The following ALG9 variants were observed in gnomAD, a reference collection of about 807,000 sequenced individuals.
ALG9 encodes the protein ALG9 alpha-1,2-mannosyltransferase, also known as alpha-1,2-mannosyltransferase ALG9.
In ALG9, 55 loss-of-function variants were observed where a neutral mutation model predicts 81.8. The ratio of observed to expected loss-of-function variants is 0.67; its 90% CI spans 0.54 to 0.84. The LOEUF is 0.84. Among genes scored for constraint, ALG9 ranks in the 40% least tolerant of loss-of-function variants. The pLI, the probability that ALG9 is intolerant of heterozygous loss-of-function variation, is 0.00. For synonymous variants in ALG9, 278 were observed against 274.3 expected (o/e 1.01, Z -0.13); for missense variants, 629 against 745.0 (o/e 0.84, Z 1.81).
At position 111,871,173 on chromosome 11, in the gene ALG9, G is replaced by A; in HGVS notation, c.131+179C>T. The stretch of plus-strand genomic sequence containing the variant: ...CGCAGTGGAGGGATCTAAGGTGGGC[G>A]AAGACTGAATGCTGACCCGCCCAGG... On this transcript the variant is annotated intron_variant, in intron 1 of 14. Coordinates refer to ENST00000616540, the MANE Select transcript of ALG9 (RefSeq NM_024740.2). 6.9e-6 allele frequency: 9 copies of A among 1,295,070 alleles called. No individual in the cohort carries two copies. The South Asian group carries it at 1.5e-4, about 21-fold the overall frequency. The allele number at this position is 1,295,070 out of a possible 1,614,324, so 80.2% of individuals were successfully genotyped here.
rs534703877 is a variant in ALG9, at chr11:111,868,923, C to G, written c.271-187G>C. ...GCTGCTTGAGCCCAGTAGTTAAAGA[C>G]AAGCCTGGGCAACATAGCAAAACCC... On this transcript the variant is annotated intron_variant, in intron 2 of 14. Transcript: ENST00000616540. 2.0e-5 allele frequency among the ~76,000 whole-genome samples: 3 copies of G among 151,232 alleles called. No homozygotes were observed. The South Asian group carries it at 6.2e-4, about 31-fold the overall frequency.
intron 13 of ALG9, 22 bp downstream of exon 13, chr11:111,836,143 A>G: frequency 1.9e-6 from 3 of 1,613,508 alleles, no homozygotes; most frequent in Middle Eastern, 3.3e-4. Flanking sequence ...TCAGAGAAGC[A>G]AGAAGAGAAT....
chr11:111,806,020 C>T (rs1949875509), intron 14 of ALG9, among the ~76,000 whole-genome samples: 1 of 152,012 alleles, frequency 6.6e-6, no homozygotes, highest in Admixed American at 6.6e-5. Context: ...CCATAGCCAG[C>T]TAATTTTTTT....
chr11:111,774,194 T>TG, the ALG9 span, among the ~76,000 whole-genome samples: 5 of 149,544 alleles, frequency 3.3e-5, no homozygotes, highest in African/African-American at 1.2e-4. Flanking sequence ...CTGACCAACA[T>TG]GAAGAAACCC....
chr11:111,807,801 T>A (rs535024441), intron 14 of ALG9, among the ~76,000 whole-genome samples: 6 of 152,004 alleles, frequency 3.9e-5, no homozygotes, highest in Non-Finnish European at 5.9e-5. Flanking sequence ...AAAAAAAAAA[T>A]TTTTTGTTAA....
At chr11:111,851,673 T>C (rs532315942) in intron 8 of ALG9, among the ~76,000 whole-genome samples, 12 of 152,322 alleles carry the variant, frequency 7.9e-5, no homozygotes, top group Middle Eastern at 3.4e-3. Flanking sequence ...AGAGTAGATA[T>C]TGTGTTTCTA....
In ALG9 at chr11:111,868,729, T is replaced by C; in HGVS notation, c.278A>G (p.Tyr93Cys). 1.2e-6 allele frequency: 2 copies of C among 1,609,692 alleles called. No individual in the cohort carries two copies. The highest frequency in any genetic ancestry group is 1.1e-5 in the South Asian group (1 of 90,470). Residue 93 changes from tyrosine to cysteine, a missense_variant, in exon 3 of 15, where the codon TAC becomes TGC. Tyr to Cys is a radical substitution (Grantham distance 194, BLOSUM62 -2). Coordinates refer to ENST00000616540, the MANE Select transcript of ALG9 (RefSeq NM_024740.2). ...ETFNYWEPTH[Y>C]LIYGEGFQTW... The stretch of plus-strand genomic sequence containing the variant: ...CTGAAACCCTTCCCCATAGATGAGG[T>C]AGTGTGTCTAAAAATACAAAACAGA...
rs542497955 is a variant in ALG9, at chr11:111,855,421, G to C, written c.702-1685C>G. ...GGAGTTTGGAGAGCTGATTTACAGG[G>C]GTCAAGACTAGAGAGGAGGAGATCA... is the stretch of plus-strand genomic sequence containing the variant. On this transcript the variant is annotated intron_variant, in intron 6 of 14. Transcript: ENST00000616540. 5.9e-5 allele frequency among the ~76,000 whole-genome samples: 9 copies of C among 152,262 alleles called. No homozygotes were observed. In the South Asian group the frequency reaches 1.9e-3, roughly 32 times the overall value.
At chr11:111,831,481 G>C (rs782807682) in intron 13 of ALG9, among the ~76,000 whole-genome samples, 2 of 152,152 alleles carry the variant, frequency 1.3e-5, no homozygotes, top group African/African-American at 2.4e-5. Flanking sequence ...CTGGGTGACA[G>C]AGTGAGACCC....
intron 10 of ALG9, among the ~76,000 whole-genome samples, 178 bp downstream of exon 10, chr11:111,840,477 T>C (rs184180442): frequency 6.6e-6 from 1 of 152,256 alleles, no homozygotes; most frequent in Non-Finnish European, 1.5e-5. Context: ...CAAATACAAG[T>C]ATGGTAAACA....
chr11:111,851,429 G>T (rs1438506948), intron 8 of ALG9, among the ~76,000 whole-genome samples: 1 of 143,618 alleles, frequency 7.0e-6, no homozygotes, highest in East Asian at 2.0e-4. Context: ...AGTGAGCAGA[G>T]ATCATGCCAC....
chr11:111,777,522 T>C (rs1363819065), downstream of ALG9, among the ~76,000 whole-genome samples: 1 of 152,158 alleles, frequency 6.6e-6, no homozygotes, highest in Admixed American at 6.5e-5. Flanking sequence ...AAGGTTGCCT[T>C]AAGCTGTCAG....
chr11:111,818,218 T>C (rs1461563930), intron 13 of ALG9, among the ~76,000 whole-genome samples: 1 of 152,196 alleles, frequency 6.6e-6, no homozygotes, highest in African/African-American at 2.4e-5. Context: ...GGAAGAAGCA[T>C]GGGGTACTCA....
chr11:111,860,188 G>A (rs1238241269), intron 5 of ALG9, among the ~76,000 whole-genome samples: 2 of 152,224 alleles, frequency 1.3e-5, no homozygotes, highest in African/African-American at 4.8e-5. Flanking sequence ...GGCCAAGAAA[G>A]GAGGTGGGTG....
intron 13 of ALG9, among the ~76,000 whole-genome samples, chr11:111,825,051 G>A (rs909024501): frequency 6.6e-6 from 1 of 152,122 alleles, no homozygotes; most frequent in Admixed American, 6.5e-5. Flanking sequence ...AGAAACAAAC[G>A]ACAGGAGAAA....
chr11:111,781,172 A>G (rs1435815449), downstream of ALG9, among the ~76,000 whole-genome samples: 1 of 152,238 alleles, frequency 6.6e-6, no homozygotes, highest in African/African-American at 2.4e-5. Context: ...GGAGAAATAA[A>G]TCAAACCAAG....
chr11:111,803,395 G>A (rs1365779806), intron 14 of ALG9, among the ~76,000 whole-genome samples: 1 of 151,862 alleles, frequency 6.6e-6, no homozygotes, highest in Non-Finnish European at 1.5e-5. Context: ...CAGTTACTCG[G>A]GTGGCTGAGG....
At chr11:111,844,779 GGTGCT>G in intron 8 of ALG9, 56 bp from the exon 9 acceptor site, 3 of 1,577,334 alleles carry the variant, frequency 1.9e-6, no homozygotes, top group Non-Finnish European at 1.7e-6. Context: ...CACCTATTAC[GGTGCT>G]TGACATATAA....
In ALG9 at chr11:111,810,639, C is replaced by G. The variant is rs550644740; in HGVS notation, c.1603-866G>C. 1.8e-4 allele frequency among the ~76,000 whole-genome samples: 27 copies of G among 152,192 alleles called. No homozygotes were observed. In the East Asian group the frequency reaches 4.6e-3, roughly 26 times the overall value. On this transcript the variant is annotated intron_variant, in intron 13 of 14. Coordinates refer to ENST00000616540, the MANE Select transcript of ALG9 (RefSeq NM_024740.2). ...GGTGTGGTGGCACATATCTGTAGTT[C>G]CAACTACTCAGGAGGCTGAGGTGGG...
Sources: gnomAD v4.1 joint callset for allele counts (sites outside exome capture counted in the v4.1 genomes callset) on GRCh38, gnomAD v4.1.1 for gene constraint, MANE v1.5 for transcripts, NCBI Gene and HGNC (gene_info 2026-07-23, HGNC 2026-07-21) for gene names.